The following UGCG variants were observed in gnomAD, a reference collection of about 807,000 sequenced individuals.
UGCG encodes UDP-glucose ceramide glucosyltransferase.
Under a neutral mutation model 49.5 loss-of-function variants are expected in UGCG, and 10 were observed. The observed-to-expected ratio is 0.20, with a 90% confidence interval of 0.12 to 0.34. UGCG has a LOEUF of 0.34. Among genes scored for constraint, UGCG ranks in the 10% least tolerant of loss-of-function variants. UGCG has a pLI of 1.00. For synonymous variants in UGCG, 182 were observed against 158.2 expected, an observed-to-expected ratio of 1.15 and a Z score of -1.13; for missense variants, 312 against 483.7, an observed-to-expected ratio of 0.65 and a Z score of 3.33.
At chr9:111,927,988 T>G (rs1838355553) in intron 5 of UGCG, among the ~76,000 whole-genome samples, 1 of 152,226 alleles carries the variant, frequency 6.6e-6, no homozygotes, top group African/African-American at 2.4e-5. Context: ...ATGCTTGAGT[T>G]AATCATTCCT....
intron 1 of UGCG, among the ~76,000 whole-genome samples, chr9:111,909,229 C>T (rs1016854217): frequency 6.6e-6 from 1 of 152,116 alleles, no homozygotes; most frequent in African/African-American, 2.4e-5. Context: ...CACAAGGCTA[C>T]TTCTGACCTT....
At chr9:111,909,455 A>G (rs62573863) in intron 1 of UGCG, among the ~76,000 whole-genome samples, 21,065 of 152,148 alleles carry the variant, frequency 0.14, 1,989 homozygotes, top group African/African-American at 0.27. Context: ...CATTGTTTCC[A>G]CCTGTGGAAC....
Position 111,897,140 on chromosome 9 carries a change from A to C in UGCG, c.-76A>C, listed in dbSNP as rs1168280389. 1 of 1,097,732 alleles carries C rather than the reference A, an allele frequency of 9.1e-7. No individual in the cohort carries two copies. The highest frequency in any genetic ancestry group is 1.2e-6 in the Non-Finnish European group (1 of 847,270). 68.0% of individuals were successfully genotyped at this position (1,097,732 alleles called of 1,614,324 possible). A position where few individuals can be genotyped will look rare whatever the true frequency, so the allele number is the denominator to read the frequency against. On this transcript the variant is annotated 5_prime_UTR_variant, in exon 1 of 9. Transcript: ENST00000374279. Reference sequence around the variant, plus strand: ...TCCCGCGCCCCCGCACCGGGCGCCCACCCTGTCCTCCTCCTGCGGGAGCGT... The same window carrying C: ...TCCCGCGCCCCCGCACCGGGCGCCCCCCCTGTCCTCCTCCTGCGGGAGCGT...
chr9:111,920,627 G>C (rs775327555), intron 2 of UGCG, among the ~76,000 whole-genome samples: 1 of 152,198 alleles, frequency 6.6e-6, no homozygotes. Context: ...GGCCTCCAAA[G>C]TGCTGGGATT....
intron 1 of UGCG, 38 bp from the exon 2 acceptor site, chr9:111,914,567 A>G (rs1838076353): frequency 6.2e-7 from 1 of 1,602,764 alleles, no homozygotes; most frequent in Middle Eastern, 1.7e-4. Context: ...ACACTAATGT[A>G]TTCTATAGAA....
In UGCG at chr9:111,932,759, T is replaced by C; in HGVS notation, c.1015-68T>C. The C allele has an allele frequency of 2.1e-6, 3 of 1,405,474 alleles. No individual in the cohort carries two copies. In the South Asian group the frequency reaches 4.7e-5, roughly 22 times the overall value. 87.1% of individuals were successfully genotyped at this position (1,405,474 alleles called of 1,614,324 possible). A position where few individuals can be genotyped will look rare whatever the true frequency, so the allele number is the denominator to read the frequency against. ...ACTTAGAAAAGTGAAATCCAAGAAT[T>C]TAATTTTTTAACCTTGTCTTTAGTT... On this transcript the variant is annotated intron_variant, in intron 8 of 8. Transcript: ENST00000374279.
chr9:111,900,987 C>T (rs548626382), intron 1 of UGCG, among the ~76,000 whole-genome samples: 22 of 152,014 alleles, frequency 1.4e-4, no homozygotes, highest in African/African-American at 3.6e-4. Context: ...CTGGGACTAC[C>T]GGTGCATGCC....
chr9:111,930,795 C>T (rs1191583170), intron 6 of UGCG, among the ~76,000 whole-genome samples: 2 of 152,204 alleles, frequency 1.3e-5, no homozygotes, highest in South Asian at 2.1e-4. Context: ...AAGGAGATCA[C>T]TGCCTTGTGT....
intron 6 of UGCG, among the ~76,000 whole-genome samples, chr9:111,930,202 T>C (rs1441996151): frequency 6.6e-6 from 1 of 152,234 alleles, no homozygotes; most frequent in Non-Finnish European, 1.5e-5. Context: ...TTCTGATTCC[T>C]CTACATTTTT....
At chr9:111,926,861 CTTTTTTTTTTTTTTTTTT>C (rs56298523) in intron 5 of UGCG, among the ~76,000 whole-genome samples, 1 of 56,850 alleles carries the variant, frequency 1.8e-5, no homozygotes, top group Non-Finnish European at 3.6e-5. Context: ...TCCCCCCAGC[CTTTTTTTTTTTTTTTTTT>C]TTTTTTTTTT....
At chr9:111,926,635 C>T (rs1838316581) in intron 5 of UGCG, 139 bp downstream of exon 5, 2 of 538,014 alleles carry the variant, frequency 3.7e-6, no homozygotes, top group Non-Finnish European at 6.1e-6. Flanking sequence ...TTCTAGAAGC[C>T]CTGAGTTGAG....
At chr9:111,929,720 C>A (rs1479589091) in intron 6 of UGCG, 42 bp downstream of exon 6, 7 of 1,596,856 alleles carry the variant, frequency 4.4e-6, no homozygotes, top group Non-Finnish European at 3.4e-6. Flanking sequence ...TATTACCTAA[C>A]TTCTGTTGGT....
chr9:111,918,111 G>A (rs537178683), intron 2 of UGCG, among the ~76,000 whole-genome samples: 82 of 151,658 alleles, frequency 5.4e-4, no homozygotes, highest in African/African-American at 1.9e-3. Flanking sequence ...CCACAATCTC[G>A]GCTCACTGCC....
At chr9:111,900,902 G>A (rs1486317404) in intron 1 of UGCG, among the ~76,000 whole-genome samples, 1 of 151,882 alleles carries the variant, frequency 6.6e-6, no homozygotes, top group Non-Finnish European at 1.5e-5. Context: ...TGTTGCCCAG[G>A]CTGGAATGCA....
intron 4 of UGCG, among the ~76,000 whole-genome samples, chr9:111,926,047 T>C (rs1838307058): frequency 6.6e-6 from 1 of 152,212 alleles, no homozygotes; most frequent in African/African-American, 2.4e-5. Context: ...TAGCCTCTGC[T>C]CCTGAGCCTT....
At chr9:111,927,524 T>C (rs1838339353) in intron 5 of UGCG, among the ~76,000 whole-genome samples, 1 of 152,012 alleles carries the variant, frequency 6.6e-6, no homozygotes. Context: ...CGATCTCGGC[T>C]CACTGCAAGC....
intron 4 of UGCG, among the ~76,000 whole-genome samples, chr9:111,925,745 C>A (rs892268629): frequency 2.0e-5 from 3 of 152,018 alleles, no homozygotes; most frequent in African/African-American, 7.3e-5. Context: ...AAAGATTGGG[C>A]AATAATTTAA....
At chr9:111,901,601 T>C (rs1837773567) in intron 1 of UGCG, among the ~76,000 whole-genome samples, 1 of 152,174 alleles carries the variant, frequency 6.6e-6, no homozygotes. Context: ...ACCTCGGTGA[T>C]GGGATGACCT....
chr9:111,932,556 A>G (rs1441537381), intron 8 of UGCG, among the ~76,000 whole-genome samples, 197 bp downstream of exon 8: 1 of 152,226 alleles, frequency 6.6e-6, no homozygotes, highest in East Asian at 1.9e-4. Flanking sequence ...TATTGGTTAT[A>G]TAATCGCTTT....
Sources: allele counts gnomAD v4.1 joint callset (sites outside exome capture counted in the v4.1 genomes callset), GRCh38; gene constraint gnomAD v4.1.1; transcripts MANE v1.5; gene names NCBI Gene and HGNC (gene_info 2026-07-23, HGNC 2026-07-21).